Variants in PTGER3 observed in about 807,000 individuals in gnomAD.
PTGER3 encodes prostaglandin E2 receptor EP3 subtype.
A neutral mutation model predicts 34.7 loss-of-function variants in PTGER3; 22 were observed. The ratio of observed to expected loss-of-function variants is 0.63; its 90% CI spans 0.45 to 0.91. PTGER3 has a LOEUF of 0.91. Among genes scored for constraint, PTGER3 ranks in the 40% least tolerant of loss-of-function variants. PTGER3 has a pLI of 0.00. For missense variants in PTGER3, 468 were observed against 519.4 expected, an observed-to-expected ratio of 0.90 and a Z score of 0.96; for synonymous variants, 241 against 230.1, an observed-to-expected ratio of 1.05 and a Z score of -0.43.
chr1:71,041,347 C>T (rs921691660), intron 1 of PTGER3, among the ~76,000 whole-genome samples: 2 of 152,170 alleles, frequency 1.3e-5, no homozygotes, highest in African/African-American at 4.8e-5. Flanking sequence ...TGACTGGGAG[C>T]TGTGCATGCA....
At chr1:71,016,357 A>C (rs1460154792) in intron 1 of PTGER3, among the ~76,000 whole-genome samples, 1 of 152,250 alleles carries the variant, frequency 6.6e-6, no homozygotes, top group Non-Finnish European at 1.5e-5. Flanking sequence ...AATAGTATAT[A>C]TAAGTATTAA....
intron 1 of PTGER3, among the ~76,000 whole-genome samples, chr1:71,022,474 G>A (rs1341065065): frequency 1.3e-5 from 2 of 151,850 alleles, no homozygotes; most frequent in African/African-American, 4.9e-5. Flanking sequence ...CACAATGCAG[G>A]GTGATGAATA....
chr1:71,023,604 T>C (rs1419190331), intron 1 of PTGER3, among the ~76,000 whole-genome samples: 1 of 151,922 alleles, frequency 6.6e-6, no homozygotes, highest in Non-Finnish European at 1.5e-5. Flanking sequence ...AAATTCAACA[T>C]TTTCAAAATG....
In PTGER3 at chr1:70,996,913, T is replaced by C. The variant is rs572118802; in HGVS notation, c.1077+15392A>G. Among the ~76,000 whole-genome samples, 6 of 152,184 alleles carry C rather than the reference T, an allele frequency of 3.9e-5. No individual in the cohort carries two copies. The South Asian group carries it at 1.0e-3, about 26-fold the overall frequency. ...TCCTGACCTCGTGATCCGCCCGCCT[T>C]GGCCTCCAAAAGTGCTGGGATTGCA... On this transcript the variant is annotated intron_variant, in intron 2 of 3. Transcript: ENST00000306666.
intron 1 of PTGER3, among the ~76,000 whole-genome samples, chr1:71,036,758 G>A (rs1659866808): frequency 6.6e-6 from 1 of 151,568 alleles, no homozygotes; most frequent in Non-Finnish European, 1.5e-5. Context: ...AGAATGGCAT[G>A]AACCCAGGAG....
At chr1:70,998,841 C>T (rs1369144114) in intron 2 of PTGER3, among the ~76,000 whole-genome samples, 2 of 152,030 alleles carry the variant, frequency 1.3e-5, no homozygotes, top group Non-Finnish European at 1.5e-5. Context: ...GCACAGGGAA[C>T]GACGATGGTG....
chr1:70,982,782 G>GT (rs1402089407), intron 2 of PTGER3, among the ~76,000 whole-genome samples: 5 of 151,816 alleles, frequency 3.3e-5, no homozygotes, highest in African/African-American at 1.2e-4. Context: ...AAATTTCACT[G>GT]TTTTTTCATT....
chr1:70,993,998 G>A (rs1655700444), intron 2 of PTGER3, among the ~76,000 whole-genome samples: 2 of 152,120 alleles, frequency 1.3e-5, no homozygotes, highest in Non-Finnish European at 2.9e-5. Flanking sequence ...TGACTTCATA[G>A]CTGTGTTACC....
chr1:71,017,161 T>G (rs891729108), intron 1 of PTGER3, among the ~76,000 whole-genome samples: 8 of 152,054 alleles, frequency 5.3e-5, no homozygotes, highest in Non-Finnish European at 8.8e-5. Context: ...AATCCTAGAT[T>G]ACCTGCGTGG....
At chr1:70,924,923 G>A (rs1005228170) in intron 4 of PTGER3, among the ~76,000 whole-genome samples, 2 of 152,114 alleles carry the variant, frequency 1.3e-5, no homozygotes, top group Non-Finnish European at 2.9e-5. Context: ...AAGATGAACT[G>A]AGACAAATCT....
intron 4 of PTGER3, among the ~76,000 whole-genome samples, chr1:70,872,027 G>A (rs1361924625): frequency 6.6e-6 from 1 of 152,190 alleles, no homozygotes; most frequent in Non-Finnish European, 1.5e-5. Context: ...AATAGCTTTG[G>A]CCTCAAACAC....
intron 1 of PTGER3, among the ~76,000 whole-genome samples, chr1:71,043,750 T>G (rs1327163023): frequency 2.0e-5 from 3 of 152,190 alleles, no homozygotes; most frequent in Non-Finnish European, 2.9e-5. Flanking sequence ...TTTGCCAGTT[T>G]CTTTTCTTTG....
intron 2 of PTGER3, among the ~76,000 whole-genome samples, chr1:70,976,099 G>A (rs1008502013): frequency 2.7e-5 from 4 of 147,040 alleles, no homozygotes; most frequent in African/African-American, 1.0e-4. Flanking sequence ...CCTGTACAAT[G>A]TCAAATAGCA....
At chr1:70,867,036 G>C (rs1004528083) in intron 4 of PTGER3, among the ~76,000 whole-genome samples, 6 of 152,204 alleles carry the variant, frequency 3.9e-5, no homozygotes, top group Non-Finnish European at 5.9e-5. Context: ...TGCCTTTACA[G>C]TTGTATATCT....
chr1:71,019,994 A>G (rs977997711), intron 1 of PTGER3, among the ~76,000 whole-genome samples: 1 of 152,196 alleles, frequency 6.6e-6, no homozygotes, highest in South Asian at 2.1e-4. Flanking sequence ...AACCTGCTCT[A>G]CTGGAAATTC....
chr1:71,002,620 A>T (rs1381441358), intron 2 of PTGER3, among the ~76,000 whole-genome samples: 9 of 152,234 alleles, frequency 5.9e-5, no homozygotes, highest in African/African-American at 2.2e-4. Context: ...GGTGTGAGAA[A>T]ATCTCGGACA....
intron 4 of PTGER3, among the ~76,000 whole-genome samples, chr1:70,868,345 G>T (rs924271085): frequency 4.6e-5 from 7 of 152,046 alleles, no homozygotes; most frequent in Non-Finnish European, 8.8e-5. Context: ...ACTTATAATT[G>T]TCTATTGCCT....
chr1:70,905,200 AC>A (rs1283101748), intron 4 of PTGER3, among the ~76,000 whole-genome samples: 1 of 152,098 alleles, frequency 6.6e-6, no homozygotes, highest in Non-Finnish European at 1.5e-5. Flanking sequence ...GTATGGAAAC[AC>A]CTGGATGCCC....
chr1:70,969,741 G>T (rs1652894631), downstream of PTGER3, among the ~76,000 whole-genome samples: 1 of 152,156 alleles, frequency 6.6e-6, no homozygotes, highest in African/African-American at 2.4e-5. Context: ...AAGGATGGTT[G>T]GGGTTGATTC....
Sources: allele counts gnomAD v4.1 joint callset (sites outside exome capture counted in the v4.1 genomes callset), GRCh38; gene constraint gnomAD v4.1.1; transcripts MANE v1.5; gene names NCBI Gene and HGNC (gene_info 2026-07-23, HGNC 2026-07-21).